Variants in RASA3 observed in about 807,000 individuals in gnomAD.
RASA3 encodes RAS p21 protein activator 3.
Under a neutral mutation model 110.0 loss-of-function variants are expected in RASA3, and 73 were observed. The ratio of observed to expected loss-of-function variants is 0.66; its 90% CI spans 0.55 to 0.81. The LOEUF (loss-of-function observed/expected upper bound fraction) is 0.81, where lower values mean the gene tolerates loss of function less well. Ranked by LOEUF, RASA3 falls within the 30% of genes least tolerant of loss-of-function variation. The probability of loss-of-function intolerance (pLI) is 0.00; values close to 1 mark genes in which losing one functional copy is unlikely to be tolerated. For missense variants in RASA3, 976 were observed against 1,113.2 expected (o/e 0.88, Z 1.75); for synonymous variants, 500 against 451.4 (o/e 1.11, Z -1.37).
intron 4 of RASA3, among the ~76,000 whole-genome samples, chr13:114,034,142 G>A (rs528056322): frequency 3.3e-5 from 5 of 152,064 alleles, no homozygotes; most frequent in Non-Finnish European, 7.4e-5. Flanking sequence ...CTGAACACCA[G>A]CCGGGCACTG....
At chr13:114,019,163 G>A (rs1335883791) in intron 9 of RASA3, among the ~76,000 whole-genome samples, 2 of 152,130 alleles carry the variant, frequency 1.3e-5, no homozygotes, top group Non-Finnish European at 2.9e-5. Flanking sequence ...CGCGGAGGGG[G>A]ATGGGGGTGG....
At chr13:114,019,154 G>A (rs774780220) in intron 9 of RASA3, among the ~76,000 whole-genome samples, 1 of 152,136 alleles carries the variant, frequency 6.6e-6, no homozygotes, top group African/African-American at 2.4e-5. Flanking sequence ...GGGGGGAAAC[G>A]CGGAGGGGGA....
At chr13:114,051,061 A>ATG (rs1337086785) in intron 3 of RASA3, among the ~76,000 whole-genome samples, 3 of 152,300 alleles carry the variant, frequency 2.0e-5, no homozygotes, top group East Asian at 3.9e-4. Flanking sequence ...CGTCAGATGG[A>ATG]CCGGGACCCC....
chr13:113,980,155 A>ACACCTCCTCCCACGTGTGTG (rs1230539848), intron 23 of RASA3, among the ~76,000 whole-genome samples: 3 of 104,964 alleles, frequency 2.9e-5, no homozygotes, highest in African/African-American at 1.2e-4. Context: ...ACGTGTGTGC[A>ACACCTCCTCCCACGTGTGTG]CACCTCCTCC....
intron 16 of RASA3, among the ~76,000 whole-genome samples, chr13:114,010,059 G>A (rs1391151303): frequency 6.6e-6 from 1 of 152,216 alleles, no homozygotes; most frequent in African/African-American, 2.4e-5. Context: ...CCTCGGAGGA[G>A]GCTCAAGTGC....
At position 114,027,606 on chromosome 13, in the gene RASA3, TGGTATGCAAATCA is replaced by T. The variant is rs1764318604; in HGVS notation, c.531-158_531-146del. The T allele has an allele frequency of 9.1e-6, 7 of 770,932 alleles. No individual in the cohort carries two copies. In the Admixed American group the frequency reaches 1.8e-4, roughly 20 times the overall value. 47.8% of individuals were successfully genotyped at this position (770,932 alleles called of 1,614,324 possible). A position where few individuals can be genotyped will look rare whatever the true frequency, so the allele number is the denominator to read the frequency against. On this transcript the variant is annotated intron_variant, in intron 6 of 23. Transcript: ENST00000334062. ...ATTTCTGCTGGTCTCCAACTCCAGATGGTATGCAAATCAGGAACCTTTACTCAGCCAAAAATAC... is the reference window on the plus strand; with the variant it reads ...ATTTCTGCTGGTCTCCAACTCCAGATGGAACCTTTACTCAGCCAAAAATAC...
chr13:114,073,804 G>A lies in RASA3; in HGVS notation c.89C>T (p.Pro30Leu). Residue 30 changes from proline (P) to leucine (L), a missense_variant, in exon 2 of 24, where the codon CCG becomes CTG. Pro to Leu is a moderately conservative substitution (Grantham distance 98). This residue lies in a region of RASA3 where 732 missense variants were observed against 779.7 expected (regional missense o/e 0.94). Transcript: ENST00000334062. ...EAKNLPSYPGPSKMRDCYCTV... is the reference protein window; with the variant it reads ...EAKNLPSYPGLSKMRDCYCTV... ...GCAGTAGCAATCCCTCATCTTGCTC[G>A]GCCCCGGGTAAGAGGGAAGGTTTTT... 1 of 1,614,210 alleles carries A rather than the reference G, an allele frequency of 6.2e-7. No homozygotes were observed. Among genetic ancestry groups the A allele is most frequent in the African/African-American group, 1.3e-5 (1 of 75,054 alleles).
intron 2 of RASA3, among the ~76,000 whole-genome samples, chr13:114,063,359 C>G (rs2079393386): frequency 6.7e-6 from 1 of 149,658 alleles, no homozygotes; most frequent in Non-Finnish European, 1.5e-5. Context: ...ACATTTATAA[C>G]ATAAATACAA....
At chr13:114,005,646 G>T (rs1036720653) in intron 18 of RASA3, among the ~76,000 whole-genome samples, 10 of 152,190 alleles carry the variant, frequency 6.6e-5, no homozygotes, top group African/African-American at 2.4e-4. Flanking sequence ...GAAATCACAA[G>T]GCTGCTGGCC....
intron 2 of RASA3, among the ~76,000 whole-genome samples, chr13:114,064,277 G>A (rs746262957): frequency 2.0e-5 from 3 of 152,286 alleles, no homozygotes; most frequent in South Asian, 2.1e-4. Flanking sequence ...AATGGCCTAC[G>A]CCCCATGTCC....
chr13:114,032,140 T>C (rs913998379), intron 4 of RASA3, among the ~76,000 whole-genome samples: 75 of 152,188 alleles, frequency 4.9e-4, no homozygotes, highest in Admixed American at 3.0e-3. Context: ...GTCCCTAAAT[T>C]GTTTTTCAAA....
At chr13:114,100,147 A>G (rs1013917426) in intron 1 of RASA3, among the ~76,000 whole-genome samples, 31 of 151,320 alleles carry the variant, frequency 2.0e-4, no homozygotes, top group African/African-American at 6.8e-4. Flanking sequence ...TCTGCGCAAT[A>G]GGAAGACGCC....
intron 1 of RASA3, among the ~76,000 whole-genome samples, chr13:114,130,808 C>A (rs1400041998): frequency 6.6e-6 from 1 of 152,238 alleles, no homozygotes; most frequent in Non-Finnish European, 1.5e-5. Flanking sequence ...GGCACTGCCC[C>A]ACAGGGGCAC....
chr13:113,995,324 G>A (rs1208036593), intron 21 of RASA3, among the ~76,000 whole-genome samples: 1 of 152,254 alleles, frequency 6.6e-6, no homozygotes, highest in East Asian at 1.9e-4. Flanking sequence ...ACGCATGCCT[G>A]AGCAGCAGCC....
At chr13:113,996,818 G>T in intron 20 of RASA3, 79 bp from the exon 21 acceptor site, 2 of 1,274,014 alleles carry the variant, frequency 1.6e-6, no homozygotes. Flanking sequence ...CAGGCACCTG[G>T]CCGTCCTCGC....
intron 4 of RASA3, among the ~76,000 whole-genome samples, chr13:114,032,792 GCCCCACGGCACCCCCACACTGACA>G (rs2054196213): frequency 3.2e-5 from 1 of 31,464 alleles, no homozygotes; most frequent in Non-Finnish European, 5.5e-5. Flanking sequence ...CTGACACCAC[GCCCCACGGCACCCCCACACTGACA>G]CCACGCCCCA....
Position 113,996,200 on chromosome 13 carries a change from C to A in RASA3, c.2141+331G>T, listed in dbSNP as rs1039973959. ...GACGAAGCTTTCAGGGAGGGGCTTG[C>A]TCCCAGCCTCCTCCTAGAGAAGCAG... On this transcript the variant is annotated intron_variant, in intron 21 of 23. Transcript: ENST00000334062. Among the ~76,000 whole-genome samples the A allele has an allele frequency of 3.3e-5, 5 of 152,250 alleles. No homozygotes were observed. In the East Asian group the frequency reaches 9.7e-4, roughly 29 times the overall value.
intron 1 of RASA3, among the ~76,000 whole-genome samples, chr13:114,082,964 G>C (rs1290400760): frequency 6.6e-6 from 1 of 152,216 alleles, no homozygotes; most frequent in African/African-American, 2.4e-5. Context: ...CCAATCCTGG[G>C]CTGCATTTAA....
Position 114,048,958 on chromosome 13 carries a change from C to G in RASA3, c.277+3094G>C, listed in dbSNP as rs1463592840. Among the ~76,000 whole-genome samples the G allele has an allele frequency of 2.0e-5, 3 of 152,098 alleles. No individual in the cohort carries two copies. The highest frequency in any genetic ancestry group is 2.0e-4 in the Admixed American group (3 of 15,276). Reference sequence around the variant, plus strand: ...CGTATCCCGGCACGGCTTCAGCTGCCTTTCTCGGTTTCTGTCGCCACCGCC... The same window carrying G: ...CGTATCCCGGCACGGCTTCAGCTGCGTTTCTCGGTTTCTGTCGCCACCGCC... On this transcript the variant is annotated intron_variant, in intron 3 of 23. Coordinates refer to ENST00000334062, the MANE Select transcript of RASA3 (RefSeq NM_007368.4). This position sits in a 1 kb window ranked among gnomAD's most constrained non-coding sequence, Gnocchi z 4.3.
Sources: allele counts gnomAD v4.1 joint callset (sites outside exome capture counted in the v4.1 genomes callset), GRCh38; gene constraint gnomAD v4.1.1; regional missense constraint gnomAD v4.1.1; non-coding constraint Gnocchi (gnomAD v3.1); transcripts MANE v1.5; gene names NCBI Gene and HGNC (gene_info 2026-07-23, HGNC 2026-07-21).